RANBP2: variants seen among roughly 807,000 people sequenced by gnomAD.
The protein encoded by RANBP2 is E3 SUMO-protein ligase RanBP2.
In RANBP2, 57 loss-of-function variants were observed where a neutral mutation model predicts 303.6. The observed-to-expected ratio is 0.19, with a 90% CI of 0.15 to 0.23. The LOEUF is 0.23. RANBP2 is among the 10% of genes least tolerant of loss of function. RANBP2 has a pLI of 1.00. For missense variants in RANBP2, 3,138 were observed against 3,780.8 expected (o/e 0.83, Z 4.46); for synonymous variants, 1,167 against 1,301.5 (o/e 0.90, Z 2.23).
chr2:109,408,695 G>A, the RANBP2 span, among the ~76,000 whole-genome samples: 5 of 152,376 alleles, frequency 3.3e-5, no homozygotes, highest in South Asian at 2.1e-4. Context: ...AATTAGAGCT[G>A]AACAAAAGGA....
At chr2:109,315,795 G>A in the RANBP2 span, among the ~76,000 whole-genome samples, 48 of 152,220 alleles carry the variant, frequency 3.2e-4, no homozygotes, top group African/African-American at 1.0e-3. Flanking sequence ...CTGCCTTGGT[G>A]TGGAAGGGAC....
chr2:109,149,221 T>G, the RANBP2 span, among the ~76,000 whole-genome samples: 1 of 152,072 alleles, frequency 6.6e-6, no homozygotes, highest in East Asian at 1.9e-4. Flanking sequence ...CCCACTGCTT[T>G]TATTCGGACT....
At chr2:109,458,031 T>C in the RANBP2 span, among the ~76,000 whole-genome samples, 1 of 152,102 alleles carries the variant, frequency 6.6e-6, no homozygotes, top group Non-Finnish European at 1.5e-5. Context: ...TTATTTTGTT[T>C]TTTCAGGCAC....
At chr2:109,637,508 C>T in the RANBP2 span, among the ~76,000 whole-genome samples, 1 of 149,876 alleles carries the variant, frequency 6.7e-6, no homozygotes, top group African/African-American at 2.4e-5. Flanking sequence ...GACAATACCC[C>T]ACTTTCAAGG....
chr2:108,933,851 C>CT, the RANBP2 span, among the ~76,000 whole-genome samples: 1 of 152,040 alleles, frequency 6.6e-6, no homozygotes, highest in African/African-American at 2.4e-5. Flanking sequence ...TGAAGGGGAA[C>CT]TGATAGGAGC....
chr2:108,897,270 A>G, the RANBP2 span: 21 of 1,546,840 alleles, frequency 1.4e-5, 1 homozygote, highest in Middle Eastern at 1.2e-3. Context: ...TGCAAGTCAC[A>G]GTCAATAGAA....
At chr2:109,742,960 T>C in the RANBP2 span, among the ~76,000 whole-genome samples, 28 of 148,440 alleles carry the variant, frequency 1.9e-4, 3 homozygotes, top group African/African-American at 6.9e-4. Context: ...GATGCTGAAA[T>C]GATTGGACAT....
chr2:108,788,335 G>T (rs866566329), downstream of RANBP2, among the ~76,000 whole-genome samples: 1 of 151,988 alleles, frequency 6.6e-6, no homozygotes, highest in African/African-American at 2.4e-5. Flanking sequence ...CAGGAGAATC[G>T]GTTGAACCCG....
the RANBP2 span, among the ~76,000 whole-genome samples, chr2:108,958,988 T>A: frequency 6.6e-6 from 1 of 152,224 alleles, no homozygotes; most frequent in Non-Finnish European, 1.5e-5. Flanking sequence ...CCATGGCTAG[T>A]GGCTGAGGCC....
chr2:108,765,577 G>T lies in RANBP2; in HGVS notation c.5038G>T (p.Ala1680Ser), dbSNP rs774791345. ...DCSVCLVRNE[A>S]SATKCIACQN... The stretch of plus-strand genomic sequence containing the variant: ...CAGTGTGTGCTTAGTAAGAAATGAA[G>T]CCAGTGCTACCAAATGTATTGCTTG... The change falls in exon 20 of 29, where the codon GCC (alanine) becomes TCC (serine). Residue 1680 changes from alanine (A) to serine (S), a missense_variant. Ala to Ser is a moderately conservative substitution (Grantham distance 99). Transcript: ENST00000283195. The T allele has an allele frequency of 4.7e-6, 7 of 1,498,608 alleles. No individual in the cohort carries two copies. The East Asian group carries it at 1.7e-4, about 36-fold the overall frequency. The allele number at this position is 1,498,608 out of a possible 1,614,324, so 92.8% of individuals were successfully genotyped here.
chr2:109,677,530 CT>C, the RANBP2 span, among the ~76,000 whole-genome samples: 2 of 152,172 alleles, frequency 1.3e-5, no homozygotes, highest in African/African-American at 4.8e-5. Context: ...AGAATGTTTA[CT>C]GAAGCTGTAT....
the RANBP2 span, among the ~76,000 whole-genome samples, chr2:109,466,072 CTTTTTTTTTT>C: frequency 0.017 from 1,391 of 82,448 alleles, 42 homozygotes; most frequent in African/African-American, 0.058. Flanking sequence ...ACCTGTACAT[CTTTTTTTTTT>C]TTTTTTTTTT....
the RANBP2 span, among the ~76,000 whole-genome samples, chr2:109,541,654 G>C: frequency 6.6e-6 from 1 of 152,312 alleles, no homozygotes; most frequent in African/African-American, 2.4e-5. Flanking sequence ...TACTCTGATG[G>C]TGCTCAGCTA....
At chr2:109,717,271 C>CAAAAAAAAAAAAAAAAAAAAAAA in the RANBP2 span, among the ~76,000 whole-genome samples, 1 of 80,826 alleles carries the variant, frequency 1.2e-5, no homozygotes, top group Non-Finnish European at 2.9e-5. Flanking sequence ...TAAAAACAAA[C>CAAAAAAAAAAAAAAAAAAAAAAA]CAAAAAAAAA....
the RANBP2 span, among the ~76,000 whole-genome samples, chr2:109,300,274 G>A: frequency 1.3e-5 from 2 of 152,080 alleles, no homozygotes; most frequent in Admixed American, 1.3e-4. Context: ...CCACCTCCAG[G>A]GTTCAAGCAG....
At chr2:109,680,529 T>C in the RANBP2 span, among the ~76,000 whole-genome samples, 52 of 152,190 alleles carry the variant, frequency 3.4e-4, no homozygotes, top group African/African-American at 1.2e-3. Context: ...AAAGTAATAG[T>C]AGTTATCTCT....
chr2:109,452,002 T>G, the RANBP2 span, among the ~76,000 whole-genome samples: 1 of 152,236 alleles, frequency 6.6e-6, no homozygotes, highest in African/African-American at 2.4e-5. Flanking sequence ...TCCCACACAT[T>G]GTGTGTGCTT....
At chr2:109,631,837 G>C in the RANBP2 span, among the ~76,000 whole-genome samples, 28 of 152,202 alleles carry the variant, frequency 1.8e-4, no homozygotes, top group Admixed American at 4.6e-4. Flanking sequence ...TGAATTCCTG[G>C]TATGGAGACT....
chr2:108,793,594 GT>G, the RANBP2 span, among the ~76,000 whole-genome samples: 1 of 150,162 alleles, frequency 6.7e-6, no homozygotes, highest in Non-Finnish European at 1.5e-5. Flanking sequence ...ACTTTTTTTT[GT>G]TTTGTTTTGT....
Sources: gnomAD v4.1 joint callset for allele counts (sites outside exome capture counted in the v4.1 genomes callset) on GRCh38, gnomAD v4.1.1 for gene constraint, MANE v1.5 for transcripts, NCBI Gene and HGNC (gene_info 2026-07-23, HGNC 2026-07-21) for gene names.